Variants in CCBE1 observed in about 807,000 individuals in gnomAD.
CCBE1 encodes collagen and calcium-binding EGF domain-containing protein 1.
CCBE1 carries 37 observed loss-of-function variants against 50.0 expected under a neutral mutation model. That is an observed-to-expected ratio of 0.74 (90% CI 0.57 to 0.97). The LOEUF is 0.97. Among genes scored for constraint, CCBE1 ranks in the 50% least tolerant of loss-of-function variants. CCBE1 has a pLI of 0.00. For synonymous variants in CCBE1, 234 were observed against 203.7 expected, an observed-to-expected ratio of 1.15 and a Z score of -1.27; for missense variants, 538 against 523.8, an observed-to-expected ratio of 1.03 and a Z score of -0.26.
intron 2 of CCBE1, among the ~76,000 whole-genome samples, chr18:59,632,781 A>ATTTTT (rs1555700744): frequency 6.8e-6 from 1 of 146,836 alleles, no homozygotes; most frequent in Non-Finnish European, 1.5e-5. Flanking sequence ...GTTTTATTTT[A>ATTTTT]TTTTTTTAAT....
intron 2 of CCBE1, among the ~76,000 whole-genome samples, chr18:59,692,219 T>C (rs879716675): frequency 1.3e-5 from 2 of 152,198 alleles, no homozygotes; most frequent in Non-Finnish European, 2.9e-5. Flanking sequence ...TGGCAAGATG[T>C]AGTGATGACG....
intron 2 of CCBE1, among the ~76,000 whole-genome samples, chr18:59,651,676 G>A (rs968652799): frequency 2.4e-4 from 36 of 152,224 alleles, no homozygotes; most frequent in Admixed American, 1.8e-3. Context: ...GACCGTCAGA[G>A]AAAAGGACAT....
intron 2 of CCBE1, among the ~76,000 whole-genome samples, chr18:59,528,266 AT>A (rs1045752401): frequency 6.6e-6 from 1 of 152,144 alleles, no homozygotes; most frequent in Non-Finnish European, 1.5e-5. Context: ...TGTTTGGTCT[AT>A]TTGGCTACTG....
chr18:59,665,339 G>T (rs1015587492), intron 2 of CCBE1, among the ~76,000 whole-genome samples: 1 of 152,132 alleles, frequency 6.6e-6, no homozygotes, highest in African/African-American at 2.4e-5. Flanking sequence ...CTGTTCATTC[G>T]CATTAAAGGC....
At chr18:59,527,061 T>C (rs568468883) in intron 2 of CCBE1, among the ~76,000 whole-genome samples, 20 of 152,212 alleles carry the variant, frequency 1.3e-4, no homozygotes, top group Non-Finnish European at 2.6e-4. Context: ...CCAGAATCTT[T>C]GTTAATTTTC....
chr18:59,679,925 C>T (rs2054562482), intron 2 of CCBE1, among the ~76,000 whole-genome samples: 1 of 152,114 alleles, frequency 6.6e-6, no homozygotes, highest in Non-Finnish European at 1.5e-5. Flanking sequence ...TGGTTACATT[C>T]CAAAGGAGGC....
chr18:59,580,472 G>A (rs964967453), intron 2 of CCBE1, among the ~76,000 whole-genome samples: 2 of 152,216 alleles, frequency 1.3e-5, no homozygotes, highest in African/African-American at 2.4e-5. Context: ...TCCTGAGGAT[G>A]TGTCATGGGC....
rs184630161 is a variant in CCBE1, at chr18:59,652,938, T to G, written c.212+43691A>C. ...GAGAACGCACCACTGCACTCCAGCC[T>G]GGGAAACAAAGTGAGACTCCGTCTC... On this transcript the variant is annotated intron_variant, in intron 2 of 10. Transcript: ENST00000439986. 5.6e-3 allele frequency among the ~76,000 whole-genome samples: 828 copies of G among 147,912 alleles called. 10 individuals are homozygous for G. The highest frequency in any genetic ancestry group is 0.02 in the African/African-American group (794 of 39,972).
chr18:59,594,895 C>T (rs924686497), intron 2 of CCBE1, among the ~76,000 whole-genome samples: 3 of 151,952 alleles, frequency 2.0e-5, no homozygotes, highest in Non-Finnish European at 4.4e-5. Context: ...GGGTGGATCA[C>T]GAGGTCAAGA....
At chr18:59,595,764 A>C (rs748933514) in intron 2 of CCBE1, among the ~76,000 whole-genome samples, 33 of 152,208 alleles carry the variant, frequency 2.2e-4, no homozygotes, top group Non-Finnish European at 4.1e-4. Flanking sequence ...GTTCTTTGGC[A>C]GGCAGAGCAA....
intron 2 of CCBE1, among the ~76,000 whole-genome samples, chr18:59,631,756 C>T: frequency 6.6e-6 from 1 of 152,186 alleles, no homozygotes; most frequent in Admixed American, 6.5e-5. Context: ...AGAGTTGCCA[C>T]CTTTTCCCAC....
At chr18:59,673,325 C>T (rs150062440) in intron 2 of CCBE1, among the ~76,000 whole-genome samples, 238 of 152,230 alleles carry the variant, frequency 1.6e-3, no homozygotes, top group Middle Eastern at 6.8e-3. Context: ...GTGGCAGACA[C>T]CTGTAATACC....
intron 6 of CCBE1, among the ~76,000 whole-genome samples, chr18:59,453,006 G>A (rs895577244): frequency 6.6e-6 from 1 of 152,190 alleles, no homozygotes; most frequent in African/African-American, 2.4e-5. Context: ...AGGGTGACAA[G>A]TATTTCAATG....
chr18:59,522,019 T>G (rs1001169927), intron 2 of CCBE1, among the ~76,000 whole-genome samples: 4 of 152,226 alleles, frequency 2.6e-5, no homozygotes, highest in Non-Finnish European at 5.9e-5. Flanking sequence ...TTTTATTCCT[T>G]GCTTTAATTT....
chr18:59,456,924 T>C (rs1221045883), intron 5 of CCBE1, among the ~76,000 whole-genome samples: 1 of 152,166 alleles, frequency 6.6e-6, no homozygotes, highest in Non-Finnish European at 1.5e-5. Flanking sequence ...CCCTGCACCA[T>C]GGGAGACCTG....
In CCBE1 at chr18:59,432,426, A is replaced by G. The variant is rs1156672207; in HGVS notation, c.*3482T>C. 6.6e-6 allele frequency: 1 copy of G among 152,228 alleles called. No homozygotes were observed. Among genetic ancestry groups the G allele is most frequent in the African/African-American group, 2.4e-5 (1 of 41,454 alleles). 9.4% of individuals were successfully genotyped at this position (152,228 alleles called of 1,614,324 possible). A position where few individuals can be genotyped will look rare whatever the true frequency, so the allele number is the denominator to read the frequency against. ...TTCCCTATAAAACATGAAATGACCT[A>G]GAAGCACTGTTACAAATCTTACCCC... On this transcript the variant is annotated 3_prime_UTR_variant, in exon 11 of 11. Transcript: ENST00000439986.
At chr18:59,535,518 C>T (rs1915212390) in intron 2 of CCBE1, among the ~76,000 whole-genome samples, 1 of 152,150 alleles carries the variant, frequency 6.6e-6, no homozygotes, top group Non-Finnish European at 1.5e-5. Flanking sequence ...AGTGTGCACA[C>T]TACCCCTGGC....
At chr18:59,655,858 T>A (rs1016046428) in intron 2 of CCBE1, among the ~76,000 whole-genome samples, 1 of 152,186 alleles carries the variant, frequency 6.6e-6, no homozygotes, top group East Asian at 1.9e-4. Context: ...TGCAGCCCCA[T>A]CTGAATGCAC....
intron 2 of CCBE1, among the ~76,000 whole-genome samples, chr18:59,537,069 A>C (rs981120374): frequency 1.7e-4 from 26 of 152,130 alleles, no homozygotes; most frequent in African/African-American, 5.6e-4. Flanking sequence ...AATGCTTAGC[A>C]TACAGCCCCT....
Sources: gnomAD v4.1 joint callset for allele counts (sites outside exome capture counted in the v4.1 genomes callset) on GRCh38, gnomAD v4.1.1 for gene constraint, MANE v1.5 for transcripts, NCBI Gene and HGNC (gene_info 2026-07-23, HGNC 2026-07-21) for gene names.